Variants in ADCY8 observed in about 807,000 individuals in gnomAD.
ADCY8 encodes adenylate cyclase type 8.
In ADCY8, 51 loss-of-function variants were observed where a neutral mutation model predicts 119.7. That is an observed-to-expected ratio of 0.43 (90% CI 0.34 to 0.54). The LOEUF is 0.54. ADCY8 is among the 20% of genes least tolerant of loss of function. The pLI, the probability that ADCY8 is intolerant of heterozygous loss-of-function variation, is 0.03. For missense variants in ADCY8, 1,383 were observed against 1,598.8 expected, an observed-to-expected ratio of 0.87 and a Z score of 2.30; for synonymous variants, 665 against 651.0, an observed-to-expected ratio of 1.02 and a Z score of -0.33.
At chr8:130,805,577 C>T (rs986033351) in intron 14 of ADCY8, among the ~76,000 whole-genome samples, 2 of 152,162 alleles carry the variant, frequency 1.3e-5, no homozygotes, top group Non-Finnish European at 2.9e-5. Flanking sequence ...CTCACCCCTC[C>T]TTTCCATAAG....
chr8:130,909,403 T>C (rs1819902425), intron 6 of ADCY8, among the ~76,000 whole-genome samples: 1 of 152,210 alleles, frequency 6.6e-6, no homozygotes. Flanking sequence ...TAAACTGGCA[T>C]GGGGTCTGGA....
At chr8:130,924,710 C>T (rs1195193792) in intron 5 of ADCY8, among the ~76,000 whole-genome samples, 1 of 152,182 alleles carries the variant, frequency 6.6e-6, no homozygotes, top group Non-Finnish European at 1.5e-5. Context: ...TTAGTTAGGA[C>T]AAACCTGTCT....
At chr8:131,003,644 A>G (rs1823024027) in intron 1 of ADCY8, among the ~76,000 whole-genome samples, 1 of 147,644 alleles carries the variant, frequency 6.8e-6, no homozygotes, top group Non-Finnish European at 1.5e-5. Flanking sequence ...TATTAGCTCC[A>G]TTTCACAGAA....
At chr8:130,938,259 A>T (rs1820849349) in intron 4 of ADCY8, among the ~76,000 whole-genome samples, 1 of 152,100 alleles carries the variant, frequency 6.6e-6, no homozygotes. Context: ...TGCCACTATG[A>T]GGGTTAAGTG....
At chr8:130,792,481 A>G (rs1035314603) in intron 15 of ADCY8, among the ~76,000 whole-genome samples, 22 of 152,198 alleles carry the variant, frequency 1.4e-4, no homozygotes, top group Non-Finnish European at 2.8e-4. Context: ...TATAGGTCTA[A>G]CAGGTGTCTC....
chr8:130,971,909 C>T (rs2130706334), intron 2 of ADCY8, among the ~76,000 whole-genome samples: 1 of 152,336 alleles, frequency 6.6e-6, no homozygotes, highest in South Asian at 2.1e-4. Context: ...GGAATATCAA[C>T]TTCATCTTGA....
chr8:131,039,172 G>A (rs1824265958), intron 1 of ADCY8, among the ~76,000 whole-genome samples: 1 of 152,232 alleles, frequency 6.6e-6, no homozygotes, highest in Non-Finnish European at 1.5e-5. Context: ...AGAGTTGGTA[G>A]AAACTTTTAG....
chr8:130,931,244 G>A (rs1820621861), intron 5 of ADCY8, among the ~76,000 whole-genome samples: 2 of 152,080 alleles, frequency 1.3e-5, no homozygotes, highest in Non-Finnish European at 2.9e-5. Flanking sequence ...TTTCCCTTCA[G>A]CACTTTGAAT....
intron 6 of ADCY8, among the ~76,000 whole-genome samples, chr8:130,908,494 T>G (rs1409895752): frequency 6.6e-6 from 1 of 150,884 alleles, no homozygotes; most frequent in East Asian, 1.9e-4. Flanking sequence ...TGACCTGGGG[T>G]GTCCCTGCAC....
At chr8:130,975,993 G>A (rs1258098220) in intron 2 of ADCY8, among the ~76,000 whole-genome samples, 1 of 151,362 alleles carries the variant, frequency 6.6e-6, no homozygotes, top group East Asian at 1.9e-4. Context: ...TTTTATAAAA[G>A]CTACTAAAAT....
At chr8:130,921,444 C>CCTTTTTTTTTT (rs1563729431) in intron 5 of ADCY8, among the ~76,000 whole-genome samples, 1 of 132,564 alleles carries the variant, frequency 7.5e-6, no homozygotes. Context: ...TTTTCTTTTT[C>CCTTTTTTTTTT]TTTTCTTTTT....
intron 12 of ADCY8, among the ~76,000 whole-genome samples, chr8:130,830,071 C>T (rs1370517319): frequency 1.3e-5 from 2 of 152,154 alleles, no homozygotes; most frequent in Non-Finnish European, 2.9e-5. Context: ...CTTAGGGTTA[C>T]CAATCCAGAG....
chr8:130,886,289 A>G (rs1818980254), intron 7 of ADCY8, among the ~76,000 whole-genome samples: 1 of 152,146 alleles, frequency 6.6e-6, no homozygotes, highest in Admixed American at 6.6e-5. Context: ...GCACTGAAGC[A>G]TGTAATTTCA....
At chr8:130,869,070 T>C (rs1300876555) in intron 8 of ADCY8, among the ~76,000 whole-genome samples, 4 of 152,224 alleles carry the variant, frequency 2.6e-5, no homozygotes, top group African/African-American at 7.2e-5. Flanking sequence ...CTTAGTGTCA[T>C]AGCTAAGGTT....
At chr8:130,826,357 T>C (rs1409374093) in intron 12 of ADCY8, among the ~76,000 whole-genome samples, 1 of 152,188 alleles carries the variant, frequency 6.6e-6, no homozygotes, top group African/African-American at 2.4e-5. Context: ...TTATGAGGAC[T>C]GTGTGGACAA....
chr8:130,897,813 T>A (rs372005703), intron 7 of ADCY8, among the ~76,000 whole-genome samples: 1 of 135,206 alleles, frequency 7.4e-6, no homozygotes, highest in Non-Finnish European at 1.6e-5. Context: ...CACACATATA[T>A]ACATATATCA....
rs144385988 is a variant in ADCY8 at position 130,964,963 on chromosome 8, G to A, written c.1111-12965C>T. 1.5e-3 allele frequency among the ~76,000 whole-genome samples: 227 copies of A among 152,184 alleles called. 2 individuals carry two copies. The highest frequency in any genetic ancestry group is 4.9e-3 in the African/African-American group (204 of 41,520). ...TTTTTCATAGGTTTGTTGGCCTCTC[G>A]TATGTCTTCTTTTGAGAGGTGTCTG... On this transcript the variant is annotated intron_variant, in intron 2 of 17. Transcript: ENST00000286355.
At chr8:130,950,980 G>T (rs994631013) in intron 3 of ADCY8, among the ~76,000 whole-genome samples, 1 of 152,210 alleles carries the variant, frequency 6.6e-6, no homozygotes, top group Non-Finnish European at 1.5e-5. Flanking sequence ...TTACAGGCGC[G>T]AGCGACCGTG....
At chr8:131,029,249 T>C (rs1823919365) in intron 1 of ADCY8, among the ~76,000 whole-genome samples, 2 of 152,240 alleles carry the variant, frequency 1.3e-5, no homozygotes, top group Admixed American at 1.3e-4. Context: ...ACCATCTAGC[T>C]GCAGGAAAAC....
Sources: allele counts gnomAD v4.1 joint callset (sites outside exome capture counted in the v4.1 genomes callset), GRCh38; gene constraint gnomAD v4.1.1; transcripts MANE v1.5; gene names NCBI Gene and HGNC (gene_info 2026-07-23, HGNC 2026-07-21).